The following PDE1C variants were observed in gnomAD, a reference collection of about 807,000 sequenced individuals.
The protein encoded by PDE1C is phosphodiesterase 1C.
PDE1C carries 62 observed loss-of-function variants against 93.1 expected under a neutral mutation model. The observed-to-expected ratio is 0.67, with a 90% CI of 0.54 to 0.82. The LOEUF (loss-of-function observed/expected upper bound fraction) is 0.82, where lower values mean the gene tolerates loss of function less well. PDE1C is among the 40% of genes least tolerant of loss of function. The pLI is 0.00. For synonymous variants in PDE1C, 325 were observed against 310.1 expected (o/e 1.05, Z -0.50); for missense variants, 742 against 884.6 (o/e 0.84, Z 2.04).
chr7:32,017,290 T>A (rs1163766946), intron 2 of PDE1C, among the ~76,000 whole-genome samples: 1 of 152,086 alleles, frequency 6.6e-6, no homozygotes, highest in African/African-American at 2.4e-5. Context: ...CAAGCGAACA[T>A]CTGTACACAA....
At chr7:32,240,333 A>G (rs1056573874) in intron 1 of PDE1C, among the ~76,000 whole-genome samples, 2 of 152,234 alleles carry the variant, frequency 1.3e-5, no homozygotes, top group Non-Finnish European at 2.9e-5. Flanking sequence ...AGGGCTTACT[A>G]TATGCTAGGC....
intron 1 of PDE1C, among the ~76,000 whole-genome samples, chr7:32,056,817 T>C (rs1794181018): frequency 6.6e-6 from 1 of 152,236 alleles, no homozygotes; most frequent in South Asian, 2.1e-4. Context: ...AGATTGCTTT[T>C]CCAGAATGGA....
chr7:32,191,797 A>G (rs571089823), intron 2 of PDE1C, among the ~76,000 whole-genome samples: 13 of 152,164 alleles, frequency 8.5e-5, no homozygotes, highest in Non-Finnish European at 1.6e-4. Context: ...CTACCAAGTT[A>G]CTTTTCAGAA....
At chr7:31,883,503 A>G (rs1330864676) in intron 2 of PDE1C, among the ~76,000 whole-genome samples, 1 of 152,260 alleles carries the variant, frequency 6.6e-6, no homozygotes, top group East Asian at 1.9e-4. Flanking sequence ...ACAATCTCCT[A>G]TTTCTCATAC....
At chr7:31,665,280 T>C in the PDE1C span, among the ~76,000 whole-genome samples, 1 of 152,322 alleles carries the variant, frequency 6.6e-6, no homozygotes, top group Non-Finnish European at 1.5e-5. Flanking sequence ...TCATTGACAA[T>C]TATATCCAAA....
intron 1 of PDE1C, among the ~76,000 whole-genome samples, chr7:32,262,895 A>C (rs544014247): frequency 8.3e-4 from 126 of 152,328 alleles, no homozygotes; most frequent in African/African-American, 2.8e-3. Context: ...TTGCCCCATA[A>C]GGCTTCTATT....
intron 3 of PDE1C, among the ~76,000 whole-genome samples, chr7:32,160,131 C>T (rs1234384180): frequency 6.6e-6 from 1 of 152,064 alleles, no homozygotes; most frequent in African/African-American, 2.4e-5. Context: ...GGAGTCAGAT[C>T]ACACCTGCCA....
At chr7:31,719,942 C>A in the PDE1C span, among the ~76,000 whole-genome samples, 2 of 151,052 alleles carry the variant, frequency 1.3e-5, no homozygotes, top group Non-Finnish European at 2.9e-5. Context: ...GCGGGTGGAT[C>A]ATGAGGTCAG....
chr7:31,717,693 A>G, the PDE1C span, among the ~76,000 whole-genome samples: 1 of 152,228 alleles, frequency 6.6e-6, no homozygotes, highest in African/African-American at 2.4e-5. Flanking sequence ...TGCATTAGCT[A>G]TACCAGTTCT....
chr7:32,106,688 G>T (rs1448265806), intron 3 of PDE1C, among the ~76,000 whole-genome samples: 1 of 152,094 alleles, frequency 6.6e-6, no homozygotes, highest in Non-Finnish European at 1.5e-5. Context: ...AAATTTTATT[G>T]CAATAAGGCA....
chr7:31,673,614 A>G, the PDE1C span, among the ~76,000 whole-genome samples: 1 of 151,862 alleles, frequency 6.6e-6, no homozygotes, highest in Non-Finnish European at 1.5e-5. Context: ...TAAAATATTC[A>G]CCTATATTTT....
chr7:31,987,244 C>A (rs1056968769), intron 2 of PDE1C, among the ~76,000 whole-genome samples: 1 of 152,180 alleles, frequency 6.6e-6, no homozygotes, highest in Non-Finnish European at 1.5e-5. Flanking sequence ...AAAGAAACAA[C>A]CAGCTCTCGA....
chr7:32,198,777 A>AT, intron 2 of PDE1C, among the ~76,000 whole-genome samples: 1 of 152,314 alleles, frequency 6.6e-6, no homozygotes, highest in South Asian at 2.1e-4. Flanking sequence ...GTTTTTGGAT[A>AT]TGGGGACATA....
At chr7:31,631,054 T>A in the PDE1C span, among the ~76,000 whole-genome samples, 1 of 152,190 alleles carries the variant, frequency 6.6e-6, no homozygotes, top group South Asian at 2.1e-4. Flanking sequence ...TCAATAACTA[T>A]TGAAGAAATT....
chr7:32,165,844 G>A (rs922158460), intron 3 of PDE1C, among the ~76,000 whole-genome samples: 2 of 152,120 alleles, frequency 1.3e-5, no homozygotes, highest in Non-Finnish European at 2.9e-5. Flanking sequence ...TGGTTCTCCA[G>A]GTGTGATCCT....
chr7:31,749,735 A>ATTTTTTT (rs776124846), downstream of PDE1C, among the ~76,000 whole-genome samples: 3 of 131,320 alleles, frequency 2.3e-5, 1 homozygote, highest in Non-Finnish European at 3.2e-5. Flanking sequence ...CTGTTGTCTA[A>ATTTTTTT]TTTTTTTTTT....
rs150286735 is a variant in PDE1C at position 31,773,653 on chromosome 7, A to G, written c.1960+2011T>C. Among the ~76,000 whole-genome samples the G allele has an allele frequency of 4.0e-3, 610 of 152,216 alleles. 1 individual carries two copies. Among genetic ancestry groups the G allele is most frequent in the Non-Finnish European group, 7.2e-3 (492 of 68,008 alleles). On this transcript the variant is annotated intron_variant, in intron 17 of 17. Coordinates refer to ENST00000396191, the MANE Select transcript of PDE1C (RefSeq NM_001191057.4). ...AGTCTGTAGAGTTGAAACAAATCCA[A>G]ACTTTAAGATGAGCCTTTTTTTCTG... is the stretch of plus-strand genomic sequence containing the variant.
At chr7:31,899,132 CTTTTTTTTTT>C (rs386409838) in intron 2 of PDE1C, among the ~76,000 whole-genome samples, 5 of 85,018 alleles carry the variant, frequency 5.9e-5, no homozygotes, top group African/African-American at 2.1e-4. Context: ...GGCAGTCCCA[CTTTTTTTTTT>C]TTTTTTTTTT....
chr7:31,878,061 C>A, intron 4 of PDE1C, 25 bp from the exon 5 acceptor site: 1 of 1,528,472 alleles, frequency 6.5e-7, no homozygotes, highest in South Asian at 1.1e-5. Context: ...GGGAAAAATG[C>A]AACATGATAT....
Sources: allele counts gnomAD v4.1 joint callset (sites outside exome capture counted in the v4.1 genomes callset), GRCh38; gene constraint gnomAD v4.1.1; transcripts MANE v1.5; gene names NCBI Gene and HGNC (gene_info 2026-07-23, HGNC 2026-07-21).